PTK2: variants seen among roughly 807,000 people sequenced by gnomAD.
The protein encoded by PTK2 is focal adhesion kinase 1.
In PTK2, 45 loss-of-function variants were observed where a neutral mutation model predicts 150.1. That is an observed-to-expected ratio of 0.30 (90% CI 0.24 to 0.38). The LOEUF is 0.38. Among genes scored for constraint, PTK2 ranks in the 10% least tolerant of loss-of-function variants. The probability of loss-of-function intolerance (pLI) is 1.00; values close to 1 mark genes in which losing one functional copy is unlikely to be tolerated. For synonymous variants in PTK2, 432 were observed against 449.2 expected, an observed-to-expected ratio of 0.96 and a Z score of 0.48; for missense variants, 919 against 1,307.3, an observed-to-expected ratio of 0.70 and a Z score of 4.58.
intron 31 of PTK2, among the ~76,000 whole-genome samples, 183 bp downstream of exon 35, chr8:140,664,734 C>T (rs1172731012): frequency 6.6e-6 from 1 of 152,170 alleles, no homozygotes; most frequent in East Asian, 1.9e-4. Context: ...CACCCCTATG[C>T]CCTAGAATGA....
chr8:140,792,410 C>T (rs1200746916), intron 13 of PTK2, among the ~76,000 whole-genome samples: 1 of 152,212 alleles, frequency 6.6e-6, no homozygotes, highest in Non-Finnish European at 1.5e-5. Context: ...CCTGTGGCCT[C>T]CATTGGGAAG....
intron 13 of PTK2, among the ~76,000 whole-genome samples, chr8:140,790,933 T>C (rs1212535571): frequency 6.6e-6 from 1 of 152,204 alleles, no homozygotes; most frequent in African/African-American, 2.4e-5. Context: ...ACTGGGGTTT[T>C]CCCTTGTCTG....
At chr8:140,736,993 C>G (rs1239162101) in intron 21 of PTK2, among the ~76,000 whole-genome samples, 1 of 152,110 alleles carries the variant, frequency 6.6e-6, no homozygotes, top group Non-Finnish European at 1.5e-5. Context: ...CCAAGAATTT[C>G]AAAGTAAAGA....
intron 1 of PTK2, among the ~76,000 whole-genome samples, chr8:140,996,879 G>T (rs962381702): frequency 6.6e-6 from 1 of 152,146 alleles, no homozygotes; most frequent in African/African-American, 2.4e-5. Context: ...AGATTAAGAA[G>T]ACATTTTGAC....
chr8:140,683,778 A>C (rs2100018312), intron 27 of PTK2, among the ~76,000 whole-genome samples: 2 of 151,974 alleles, frequency 1.3e-5, no homozygotes, highest in South Asian at 4.2e-4. Context: ...AGATGAAAAA[A>C]AAAAAAGCTT....
intron 1 of PTK2, among the ~76,000 whole-genome samples, chr8:140,986,724 G>A (rs993577348): frequency 3.9e-5 from 6 of 152,142 alleles, no homozygotes; most frequent in African/African-American, 1.4e-4. Context: ...GCTATGAGGG[G>A]TCCAAACAAT....
chr8:141,001,626 C>T (rs1273407694), upstream of PTK2, among the ~76,000 whole-genome samples: 1 of 152,118 alleles, frequency 6.6e-6, no homozygotes, highest in Non-Finnish European at 1.5e-5. Context: ...AGACGGACTT[C>T]GGGAAAGTCC....
intron 17 of PTK2, among the ~76,000 whole-genome samples, chr8:140,749,449 G>A (rs1300547567): frequency 6.6e-6 from 1 of 152,144 alleles, no homozygotes; most frequent in Non-Finnish European, 1.5e-5. Context: ...GAGTCTTGTG[G>A]CCACTAGGAA....
At chr8:140,925,229 T>G (rs1009255428) in intron 2 of PTK2, among the ~76,000 whole-genome samples, 2 of 152,184 alleles carry the variant, frequency 1.3e-5, no homozygotes, top group Admixed American at 1.3e-4. Flanking sequence ...TAAAAAAAAA[T>G]TATTATTCAT....
At chr8:140,989,421 T>A (rs1048201198) in intron 1 of PTK2, among the ~76,000 whole-genome samples, 1 of 150,232 alleles carries the variant, frequency 6.7e-6, no homozygotes, top group Non-Finnish European at 1.5e-5. Context: ...AAAAAACTAC[T>A]GAGACTCAGT....
rs117273638 is a variant in PTK2, at chr8:140,791,580, G to A, written c.1124+1774C>T. ...CTTGCCAGGTTGGCTGGGGAGGGTA[G>A]ACAAGTTAAAAGCCCATGTTTAGGA... On this transcript the variant is annotated intron_variant, in intron 13 of 31. Coordinates refer to ENST00000522684, the Ensembl canonical transcript of PTK2. Among the ~76,000 whole-genome samples the A allele has an allele frequency of 3.4e-3, 514 of 152,300 alleles. 1 individual carries two copies. Among genetic ancestry groups the A allele is most frequent in the Non-Finnish European group, 4.6e-3 (311 of 68,028 alleles).
chr8:140,879,714 AAAAACAAAAC>A, intron 3 of PTK2, 77 bp from the exon 4 acceptor site: 2 of 1,167,592 alleles, frequency 1.7e-6, no homozygotes, highest in Non-Finnish European at 2.2e-6. Flanking sequence ...AAAACAAAAC[AAAAACAAAAC>A]AAAAAAAAAA....
intron 19 of PTK2, among the ~76,000 whole-genome samples, chr8:140,744,082 CTTTT>C (rs5895647): frequency 2.1e-5 from 3 of 144,982 alleles, no homozygotes; most frequent in Admixed American, 6.9e-5. Context: ...CGGCCTATTT[CTTTT>C]TTTTTTTTTT....
intron 20 of PTK2, 23 bp downstream of exon 23, chr8:140,743,207 T>G (rs748635017): frequency 1.4e-6 from 2 of 1,456,566 alleles, no homozygotes. Context: ...GCCTATTTCT[T>G]AGGTACTACT....
chr8:140,821,151 G>C (rs975720935), intron 8 of PTK2: 33 of 152,416 alleles, frequency 2.2e-4, no homozygotes, highest in African/African-American at 7.5e-4. Context: ...GTTGAGGTAA[G>C]GCAGAGGACA....
chr8:140,797,141 T>G (rs57872448), intron 12 of PTK2, among the ~76,000 whole-genome samples: 86,924 of 151,710 alleles, frequency 0.57, 26,578 homozygotes, highest in African/African-American at 0.79. Context: ...TCATGAGTCA[T>G]TCTGGCATTC....
intron 2 of PTK2, among the ~76,000 whole-genome samples, chr8:140,902,941 T>TTG (rs1568517743): frequency 3.0e-5 from 3 of 100,874 alleles, no homozygotes; most frequent in South Asian, 8.4e-4. Context: ...TTTTTTTTTT[T>TTG]TTTTTTTTTT....
intron 3 of PTK2, among the ~76,000 whole-genome samples, chr8:140,889,909 C>T (rs2100153650): frequency 6.6e-6 from 1 of 152,194 alleles, no homozygotes; most frequent in East Asian, 1.9e-4. Flanking sequence ...CCTCACCTTC[C>T]CAGACCCAAA....
chr8:140,668,683 A>T, intron 29 of PTK2: 1 of 304,342 alleles, frequency 3.3e-6, no homozygotes, highest in Non-Finnish European at 6.0e-6. Flanking sequence ...TATACTAAAA[A>T]CCCCAGATTC....
Sources: gnomAD v4.1 joint callset for allele counts (sites outside exome capture counted in the v4.1 genomes callset) on GRCh38, gnomAD v4.1.1 for gene constraint, MANE v1.5 for transcripts, NCBI Gene and HGNC (gene_info 2026-07-23, HGNC 2026-07-21) for gene names.